Variants in SORCS3 observed in about 807,000 individuals in gnomAD.
The protein encoded by SORCS3 is sortilin related VPS10 domain containing receptor 3, also known as VPS10 domain-containing receptor SorCS3.
Under a neutral mutation model 146.3 loss-of-function variants are expected in SORCS3, and 57 were observed. The observed-to-expected ratio is 0.39, with a 90% CI of 0.31 to 0.49. The LOEUF (loss-of-function observed/expected upper bound fraction) is 0.49. Ranked by LOEUF, SORCS3 falls within the 20% of genes least tolerant of loss-of-function variation. The probability of loss-of-function intolerance (pLI) is 0.92; values close to 1 mark genes in which losing one functional copy is unlikely to be tolerated. For synonymous variants in SORCS3, 653 were observed against 618.5 expected, an observed-to-expected ratio of 1.06 and a Z score of -0.83; for missense variants, 1,341 against 1,575.5, an observed-to-expected ratio of 0.85 and a Z score of 2.52.
At chr10:104,723,077 T>C (rs1293721556) in intron 1 of SORCS3, among the ~76,000 whole-genome samples, 1 of 152,248 alleles carries the variant, frequency 6.6e-6, no homozygotes, top group African/African-American at 2.4e-5. Flanking sequence ...TGTTAGGGTG[T>C]CAACTTTAGA....
chr10:105,157,409 A>G lies in SORCS3; in HGVS notation c.1629+125A>G, dbSNP rs1019409646. On this transcript the variant is annotated intron_variant, in intron 10 of 26. Coordinates refer to ENST00000369701, the MANE Select transcript of SORCS3 (RefSeq NM_014978.3). ...GTGGTGCAGAGCAGTAATTTTCTAA[A>G]ACTTGCAGGGCATTGGTGTGTGGAC... 1.8e-5 allele frequency: 20 copies of G among 1,138,666 alleles called. No individual in the cohort carries two copies. In the African/African-American group the frequency reaches 2.8e-4, roughly 16 times the overall value. The allele number at this position is 1,138,666 out of a possible 1,614,324, so 70.5% of individuals were successfully genotyped here.
chr10:104,937,348 A>G (rs527909285), intron 3 of SORCS3, among the ~76,000 whole-genome samples: 1 of 152,316 alleles, frequency 6.6e-6, no homozygotes, highest in South Asian at 2.1e-4. Context: ...ATGCATTCCC[A>G]TTGCAATTGG....
intron 1 of SORCS3, among the ~76,000 whole-genome samples, chr10:104,733,520 ATTTT>A (rs34203788): frequency 1.3e-4 from 16 of 123,344 alleles, no homozygotes; most frequent in African/African-American, 3.6e-4. Context: ...CTGATGATTA[ATTTT>A]TTTTTTTTTT....
chr10:105,216,861 A>C (rs2056668027), intron 18 of SORCS3, 75 bp from the exon 19 acceptor site: 1 of 1,446,170 alleles, frequency 6.9e-7, no homozygotes, highest in African/African-American at 1.4e-5. Flanking sequence ...TTGATGCTGA[A>C]GCAACAGGAG....
At chr10:105,108,222 GC>G (rs1417268990) in intron 7 of SORCS3, among the ~76,000 whole-genome samples, 1 of 152,176 alleles carries the variant, frequency 6.6e-6, no homozygotes, top group Non-Finnish European at 1.5e-5. Context: ...TCAGAGAGGA[GC>G]GTGGAGCCAG....
At chr10:105,042,584 G>A (rs1386695407) in intron 4 of SORCS3, among the ~76,000 whole-genome samples, 1 of 151,858 alleles carries the variant, frequency 6.6e-6, no homozygotes, top group Admixed American at 6.6e-5. Context: ...TAGCCATCTT[G>A]CAAAAACATA....
chr10:105,083,147 A>G (rs2055636618), intron 5 of SORCS3, among the ~76,000 whole-genome samples: 1 of 152,226 alleles, frequency 6.6e-6, no homozygotes, highest in East Asian at 1.9e-4. Flanking sequence ...TAAAAGTAGG[A>G]ATACAGCATA....
chr10:105,251,064 T>C (rs985286810), intron 22 of SORCS3, among the ~76,000 whole-genome samples: 3 of 152,190 alleles, frequency 2.0e-5, no homozygotes, highest in Admixed American at 1.3e-4. Flanking sequence ...ATCTGGGCAA[T>C]CACACCATAA....
At chr10:105,015,380 G>A (rs897371400) in intron 4 of SORCS3, among the ~76,000 whole-genome samples, 3 of 152,120 alleles carry the variant, frequency 2.0e-5, no homozygotes, top group African/African-American at 4.8e-5. Context: ...CCCATAGATC[G>A]AAGAATGGAT....
intron 3 of SORCS3, among the ~76,000 whole-genome samples, chr10:104,946,420 A>G (rs2019371621): frequency 6.6e-6 from 1 of 151,988 alleles, no homozygotes; most frequent in South Asian, 2.1e-4. Context: ...TTCTCTCTGC[A>G]TGCTGTGTGT....
At chr10:105,020,281 G>A (rs186263996) in intron 4 of SORCS3, among the ~76,000 whole-genome samples, 19 of 152,100 alleles carry the variant, frequency 1.2e-4, no homozygotes, top group African/African-American at 4.6e-4. Flanking sequence ...TTAAATTAAG[G>A]GCCTCGTAAA....
At chr10:104,680,948 G>C (rs986493883) in intron 1 of SORCS3, among the ~76,000 whole-genome samples, 1 of 152,188 alleles carries the variant, frequency 6.6e-6, no homozygotes, top group African/African-American at 2.4e-5. Flanking sequence ...GGCCAGGCAG[G>C]CCCTGCGGGG....
At chr10:105,203,624 T>C (rs1409346285) in intron 16 of SORCS3, among the ~76,000 whole-genome samples, 2 of 152,174 alleles carry the variant, frequency 1.3e-5, no homozygotes, top group Non-Finnish European at 2.9e-5. Context: ...CATTTACTGG[T>C]CTGGGCAAAA....
chr10:104,969,303 TTGTGTGTGTGTGTGTGTG>T (rs59557629), intron 3 of SORCS3, among the ~76,000 whole-genome samples: 1 of 140,558 alleles, frequency 7.1e-6, no homozygotes, highest in Non-Finnish European at 1.5e-5. Flanking sequence ...TCAAAAAGGA[TTGTGTGTGTGTGTGTGTG>T]TGTGTGTGTG....
intron 22 of SORCS3, among the ~76,000 whole-genome samples, chr10:105,249,471 G>A (rs975146750): frequency 2.0e-5 from 3 of 152,176 alleles, no homozygotes. Context: ...AGAAGGAGCT[G>A]ACAGATAGGA....
intron 1 of SORCS3, among the ~76,000 whole-genome samples, chr10:104,752,686 G>A (rs183664658): frequency 1.4e-4 from 21 of 152,150 alleles, no homozygotes; most frequent in Admixed American, 2.6e-4. Context: ...TTTCATCAGC[G>A]CTTGATTCCT....
chr10:105,016,103 GTTATGTATTACATA>G (rs2055164229), intron 4 of SORCS3, among the ~76,000 whole-genome samples: 1 of 138,314 alleles, frequency 7.2e-6, no homozygotes, highest in African/African-American at 2.8e-5. Context: ...TTAAATTTAT[GTTATGTATTACATA>G]TTAGAAATAT....
At chr10:105,199,366 TCC>T (rs1349252304) in intron 14 of SORCS3, among the ~76,000 whole-genome samples, 1 of 152,186 alleles carries the variant, frequency 6.6e-6, no homozygotes, top group African/African-American at 2.4e-5. Context: ...AAATATGAGT[TCC>T]TTTTATGAGT....
rs1320688803 is a variant in SORCS3, at chr10:104,822,249, G to C, written c.628-20543G>C. The C allele has an allele frequency of 5.8e-6, 2 of 344,840 alleles. 1 individual carries two copies. Among genetic ancestry groups the C allele is most frequent in the Admixed American group, 7.7e-5 (2 of 25,860 alleles). 21.4% of individuals were successfully genotyped at this position (344,840 alleles called of 1,614,324 possible). A position where few individuals can be genotyped will look rare whatever the true frequency, so the allele number is the denominator to read the frequency against. ...ATGGAGGGAGATTGTTTAGACCAGA[G>C]TCAACACACAAGAAGGACTGCCGTG... On this transcript the variant is annotated intron_variant, in intron 1 of 26. Coordinates refer to ENST00000369701, the MANE Select transcript of SORCS3 (RefSeq NM_014978.3).
Sources: allele counts gnomAD v4.1 joint callset (sites outside exome capture counted in the v4.1 genomes callset), GRCh38; gene constraint gnomAD v4.1.1; transcripts MANE v1.5; gene names NCBI Gene and HGNC (gene_info 2026-07-23, HGNC 2026-07-21).